NKAIN3: variants seen among roughly 807,000 people sequenced by gnomAD.
NKAIN3 encodes sodium/potassium-transporting ATPase subunit beta-1-interacting protein 3.
Under a neutral mutation model 30.2 loss-of-function variants are expected in NKAIN3, and 25 were observed. The observed-to-expected ratio is 0.83, with a 90% CI of 0.60 to 1.16. NKAIN3 has a LOEUF of 1.16. Among genes scored for constraint, NKAIN3 ranks in the 50% most tolerant of loss-of-function variants. NKAIN3 has a pLI of 0.00. For missense variants in NKAIN3, 225 were observed against 254.1 expected, an observed-to-expected ratio of 0.89 and a Z score of 0.78; for synonymous variants, 91 against 89.6, an observed-to-expected ratio of 1.02 and a Z score of -0.09.
intron 1 of NKAIN3, among the ~76,000 whole-genome samples, chr8:62,328,631 A>T (rs948159671): frequency 1.4e-4 from 22 of 152,168 alleles, no homozygotes; most frequent in Non-Finnish European, 4.4e-5. Flanking sequence ...CAGAGATTAT[A>T]CATTTTTAGG....
chr8:62,600,982 T>C (rs960381656), intron 3 of NKAIN3, among the ~76,000 whole-genome samples: 4 of 152,108 alleles, frequency 2.6e-5, no homozygotes, highest in African/African-American at 7.2e-5. Flanking sequence ...CTATCAACTT[T>C]AGCTTTTGGG....
intron 4 of NKAIN3, among the ~76,000 whole-genome samples, chr8:62,830,314 C>A (rs1430189393): frequency 6.6e-6 from 1 of 152,086 alleles, no homozygotes; most frequent in African/African-American, 2.4e-5. Flanking sequence ...TTTTCTCCCA[C>A]TAAGAAACAA....
At chr8:62,595,167 A>C (rs1039615407) in intron 3 of NKAIN3, among the ~76,000 whole-genome samples, 1 of 152,066 alleles carries the variant, frequency 6.6e-6, no homozygotes, top group Middle Eastern at 3.4e-3. Flanking sequence ...TACTAAAGTC[A>C]TGGTTAATAT....
chr8:62,907,073 G>A (rs1040644013), intron 4 of NKAIN3, among the ~76,000 whole-genome samples: 2 of 152,164 alleles, frequency 1.3e-5, no homozygotes, highest in African/African-American at 4.8e-5. Context: ...ATGAAGTCCT[G>A]GTTGAGTAGT....
At chr8:62,648,112 G>A (rs1199660291) in intron 3 of NKAIN3, among the ~76,000 whole-genome samples, 3 of 152,120 alleles carry the variant, frequency 2.0e-5, no homozygotes, top group Admixed American at 2.0e-4. Context: ...AAACATCAAG[G>A]GAAGGGCAGT....
intron 4 of NKAIN3, among the ~76,000 whole-genome samples, chr8:62,885,463 T>A (rs1229149968): frequency 6.6e-6 from 1 of 152,230 alleles, no homozygotes; most frequent in African/African-American, 2.4e-5. Context: ...CTACTGTTGC[T>A]GGATGAAATA....
At chr8:62,336,526 T>C (rs554287081) in intron 1 of NKAIN3, among the ~76,000 whole-genome samples, 2 of 152,122 alleles carry the variant, frequency 1.3e-5, no homozygotes, top group East Asian at 3.9e-4. Flanking sequence ...AGTCCTCTTC[T>C]TTCCACTAAC....
intron 3 of NKAIN3, among the ~76,000 whole-genome samples, chr8:62,647,282 A>G (rs1402556187): frequency 6.6e-6 from 1 of 152,202 alleles, no homozygotes; most frequent in African/African-American, 2.4e-5. Context: ...GAGAGAAAAT[A>G]GTAAATGTTC....
At chr8:62,358,629 A>G (rs886337092) in intron 1 of NKAIN3, among the ~76,000 whole-genome samples, 2 of 152,198 alleles carry the variant, frequency 1.3e-5, no homozygotes, top group African/African-American at 4.8e-5. Context: ...TCTCAGACAC[A>G]AATTGTTATG....
rs1310504876 is a variant in NKAIN3 at position 62,373,286 on chromosome 8, A to C, written c.54+124159A>C. Among the ~76,000 whole-genome samples the C allele has an allele frequency of 2.0e-5, 3 of 152,350 alleles. No homozygotes were observed. In the East Asian group the frequency reaches 5.8e-4, roughly 29 times the overall value. On this transcript the variant is annotated intron_variant, in intron 1 of 6. Coordinates refer to ENST00000623646, the MANE Select transcript of NKAIN3 (RefSeq NM_001304533.3). Reference sequence around the variant, plus strand: ...TTGATAGCTGTACCATCAAATGAATAAAATATGTGTTATAAAATCTTCCTG... The same window carrying C: ...TTGATAGCTGTACCATCAAATGAATCAAATATGTGTTATAAAATCTTCCTG...
chr8:62,515,670 G>A (rs1029388967), intron 1 of NKAIN3, among the ~76,000 whole-genome samples: 3 of 152,148 alleles, frequency 2.0e-5, no homozygotes, highest in Admixed American at 6.5e-5. Context: ...TTCCAGAAAC[G>A]CTACATTAAT....
intron 1 of NKAIN3, among the ~76,000 whole-genome samples, chr8:62,374,709 A>T (rs1817021916): frequency 6.6e-6 from 1 of 152,212 alleles, no homozygotes; most frequent in African/African-American, 2.4e-5. Context: ...GGATTGAAAG[A>T]TTGAAGTAAA....
chr8:62,928,509 TTG>T (rs1360095945), intron 5 of NKAIN3, among the ~76,000 whole-genome samples: 28 of 152,330 alleles, frequency 1.8e-4, no homozygotes, highest in African/African-American at 6.7e-4. Context: ...ATGTACAAGC[TTG>T]TGTCAGAGAC....
chr8:62,290,766 G>T (rs759098361), intron 1 of NKAIN3, among the ~76,000 whole-genome samples: 1 of 152,122 alleles, frequency 6.6e-6, no homozygotes, highest in Non-Finnish European at 1.5e-5. Flanking sequence ...AATGAATTAG[G>T]GATGATTCTG....
In NKAIN3 at chr8:62,439,408, T is replaced by G. The variant is rs866152072; in HGVS notation, c.55-140131T>G. 1.8e-4 allele frequency among the ~76,000 whole-genome samples: 27 copies of G among 152,156 alleles called. 1 individual carries two copies. Among genetic ancestry groups the G allele is most frequent in the Middle Eastern group, 6.3e-3 (2 of 316 alleles). On this transcript the variant is annotated intron_variant, in intron 1 of 6. Transcript: ENST00000623646. ...ATTTTGATCCCAGCCAACCCATGCTTTTCTGTCTTAAAAAGACCAAATTTA... is the reference window on the plus strand; with the variant it reads ...ATTTTGATCCCAGCCAACCCATGCTGTTCTGTCTTAAAAAGACCAAATTTA...
At chr8:62,870,250 C>CTATA (rs370536390) in intron 4 of NKAIN3, among the ~76,000 whole-genome samples, 1 of 98,906 alleles carries the variant, frequency 1.0e-5, no homozygotes, top group African/African-American at 5.8e-5. Flanking sequence ...CTATAGATAT[C>CTATA]TATATATATA....
intron 4 of NKAIN3, among the ~76,000 whole-genome samples, chr8:62,841,481 GC>G (rs1471862829): frequency 3.3e-5 from 5 of 151,810 alleles, no homozygotes; most frequent in East Asian, 1.9e-4. Context: ...CCCCACCCAA[GC>G]CCCCCATCCC....
At chr8:62,924,909 G>C (rs1822392700) in intron 5 of NKAIN3, among the ~76,000 whole-genome samples, 2 of 152,078 alleles carry the variant, frequency 1.3e-5, no homozygotes, top group South Asian at 4.2e-4. Flanking sequence ...TCTTTTATAA[G>C]GGCACTAACC....
At chr8:62,432,616 A>G (rs1229612593) in intron 1 of NKAIN3, among the ~76,000 whole-genome samples, 1 of 152,058 alleles carries the variant, frequency 6.6e-6, no homozygotes, top group Non-Finnish European at 1.5e-5. Flanking sequence ...GTATCAGGGA[A>G]ATCACTATCT....
Sources: gnomAD v4.1 joint callset for allele counts (sites outside exome capture counted in the v4.1 genomes callset) on GRCh38, gnomAD v4.1.1 for gene constraint, MANE v1.5 for transcripts, NCBI Gene and HGNC (gene_info 2026-07-23, HGNC 2026-07-21) for gene names.